Variants in GALNT13 observed in about 807,000 individuals in gnomAD.
GALNT13 encodes polypeptide N-acetylgalactosaminyltransferase 13, also known as UDP-GalNAc:polypeptide N-acetylgalactosaminyltransferase 13.
A neutral mutation model predicts 64.2 loss-of-function variants in GALNT13; 28 were observed. The observed-to-expected ratio is 0.44, with a 90% CI of 0.32 to 0.60. The LOEUF is 0.60. Among genes scored for constraint, GALNT13 ranks in the 20% least tolerant of loss-of-function variants. The probability of loss-of-function intolerance (pLI) is 0.05; values close to 1 mark genes in which losing one functional copy is unlikely to be tolerated. For synonymous variants in GALNT13, 214 were observed against 224.6 expected (o/e 0.95, Z 0.42); for missense variants, 577 against 669.8 (o/e 0.86, Z 1.53).
At chr2:154,298,707 ATTT>A (rs1317866581) in intron 8 of GALNT13, among the ~76,000 whole-genome samples, 9 of 118,584 alleles carry the variant, frequency 7.6e-5, no homozygotes, top group South Asian at 2.4e-4. Context: ...TGTATATACA[ATTT>A]ATATATAAAT....
chr2:153,692,314 T>G, the GALNT13 span, among the ~76,000 whole-genome samples: 1 of 152,280 alleles, frequency 6.6e-6, no homozygotes, highest in East Asian at 1.9e-4. Context: ...TTCTTAAAAT[T>G]TTGTCAAGCC....
the GALNT13 span, among the ~76,000 whole-genome samples, chr2:153,461,140 T>G: frequency 6.6e-6 from 1 of 152,156 alleles, no homozygotes; most frequent in East Asian, 1.9e-4. Flanking sequence ...AATCCTTCCT[T>G]TAAACAGCTT....
At chr2:153,790,293 A>G in the GALNT13 span, among the ~76,000 whole-genome samples, 2 of 152,204 alleles carry the variant, frequency 1.3e-5, no homozygotes, top group Non-Finnish European at 2.9e-5. Flanking sequence ...CAAATCAATA[A>G]TGTGATTTAT....
At chr2:153,156,170 C>T in the GALNT13 span, among the ~76,000 whole-genome samples, 1 of 152,160 alleles carries the variant, frequency 6.6e-6, no homozygotes, top group African/African-American at 2.4e-5. Context: ...ATTGATTTTA[C>T]AGTAAGGGCC....
chr2:154,329,644 T>A (rs1695062007), intron 9 of GALNT13, among the ~76,000 whole-genome samples: 1 of 152,070 alleles, frequency 6.6e-6, no homozygotes, highest in South Asian at 2.1e-4. Flanking sequence ...ATCTTGAAAT[T>A]TGATCCCAGT....
chr2:153,775,082 G>A, the GALNT13 span, among the ~76,000 whole-genome samples: 2 of 152,138 alleles, frequency 1.3e-5, no homozygotes, highest in East Asian at 3.9e-4. Flanking sequence ...TTGCCTTAAT[G>A]ACTGAAGAAG....
At chr2:153,920,844 C>T (rs539356874) in intron 2 of GALNT13, among the ~76,000 whole-genome samples, 1 of 152,250 alleles carries the variant, frequency 6.6e-6, no homozygotes, top group Admixed American at 6.5e-5. Context: ...CAAAAGAAGA[C>T]ATGTATGTGA....
chr2:153,095,886 T>C, the GALNT13 span, among the ~76,000 whole-genome samples: 3 of 150,042 alleles, frequency 2.0e-5, no homozygotes, highest in Non-Finnish European at 4.4e-5. Context: ...GGGCCTGTCA[T>C]GGGGTGGGGG....
At chr2:153,406,470 C>T in the GALNT13 span, among the ~76,000 whole-genome samples, 6 of 152,052 alleles carry the variant, frequency 3.9e-5, no homozygotes, top group South Asian at 2.1e-4. Flanking sequence ...TGCAGTGGTC[C>T]GATCCTGGCT....
At chr2:154,411,317 TACACACAC>T (rs59114913) in intron 11 of GALNT13, among the ~76,000 whole-genome samples, 111 of 147,874 alleles carry the variant, frequency 7.5e-4, no homozygotes, top group African/African-American at 1.6e-3. Context: ...TAATTGCACA[TACACACAC>T]ACACACACAC....
chr2:154,096,419 A>C (rs1702074975), intron 3 of GALNT13, among the ~76,000 whole-genome samples: 1 of 152,058 alleles, frequency 6.6e-6, no homozygotes, highest in Non-Finnish European at 1.5e-5. Flanking sequence ...GAGATGGCTT[A>C]CAGTAATCTC....
intron 11 of GALNT13, among the ~76,000 whole-genome samples, chr2:154,428,666 T>A (rs1231951790): frequency 1.3e-5 from 2 of 152,234 alleles, no homozygotes; most frequent in Admixed American, 6.5e-5. Flanking sequence ...GGCTTCATTT[T>A]TCCAACAGCA....
intron 3 of GALNT13, among the ~76,000 whole-genome samples, chr2:153,964,117 C>T (rs181419125): frequency 1.3e-5 from 2 of 151,906 alleles, no homozygotes; most frequent in African/African-American, 2.4e-5. Context: ...AATATATGCC[C>T]CTTGAAGATA....
chr2:153,092,250 G>A, the GALNT13 span, among the ~76,000 whole-genome samples: 6 of 152,108 alleles, frequency 3.9e-5, no homozygotes, highest in African/African-American at 1.4e-4. Context: ...TGTGGCTCTA[G>A]AGTATAATTT....
In GALNT13 at chr2:154,242,215, T is replaced by C; in HGVS notation, c.478+19T>C. 1 of 1,599,480 alleles carries C rather than the reference T, an allele frequency of 6.3e-7. No individual in the cohort carries two copies. ...GAAAGAGGTACAAACTGGTTTTTTG[T>C]TTTTGTTTTTGTTTTTTTGTTTTGT... On this transcript the variant is annotated intron_variant, in intron 5 of 12. Transcript: ENST00000392825.
At chr2:153,890,366 A>G (rs1362537095) in intron 1 of GALNT13, among the ~76,000 whole-genome samples, 3 of 152,030 alleles carry the variant, frequency 2.0e-5, no homozygotes, top group East Asian at 1.9e-4. Flanking sequence ...GTTCAAGGAC[A>G]GGGAGTTTTG....
At chr2:153,310,441 AC>A in the GALNT13 span, among the ~76,000 whole-genome samples, 1 of 151,880 alleles carries the variant, frequency 6.6e-6, no homozygotes, top group Non-Finnish European at 1.5e-5. Context: ...ATATTTTGCC[AC>A]CCCTGAGACA....
chr2:153,330,708 T>G, the GALNT13 span, among the ~76,000 whole-genome samples: 1 of 152,156 alleles, frequency 6.6e-6, no homozygotes, highest in Non-Finnish European at 1.5e-5. Context: ...AGGTATAGAA[T>G]CATATCATTC....
the GALNT13 span, among the ~76,000 whole-genome samples, chr2:153,792,327 A>G: frequency 1.3e-5 from 2 of 152,152 alleles, no homozygotes; most frequent in Admixed American, 1.3e-4. Context: ...AAACAATATA[A>G]CAACTATTTA....
Sources: gnomAD v4.1 joint callset for allele counts (sites outside exome capture counted in the v4.1 genomes callset) on GRCh38, gnomAD v4.1.1 for gene constraint, MANE v1.5 for transcripts, NCBI Gene and HGNC (gene_info 2026-07-23, HGNC 2026-07-21) for gene names.